TSPAN8: variants seen among roughly 807,000 people sequenced by gnomAD.
TSPAN8 encodes tetraspanin-8.
A neutral mutation model predicts 32.8 loss-of-function variants in TSPAN8; 21 were observed. The ratio of observed to expected loss-of-function variants is 0.64; its 90% CI spans 0.45 to 0.92. TSPAN8 has a LOEUF of 0.92. TSPAN8 is among the 40% of genes least tolerant of loss of function. TSPAN8 has a pLI of 0.00. For missense variants in TSPAN8, 269 were observed against 281.9 expected, an observed-to-expected ratio of 0.95 and a Z score of 0.33; for synonymous variants, 95 against 94.6, an observed-to-expected ratio of 1.00 and a Z score of -0.03.
chr12:71,135,510 G>C (rs528215358), intron 6 of TSPAN8, among the ~76,000 whole-genome samples: 1 of 63,688 alleles, frequency 1.6e-5, no homozygotes, highest in Non-Finnish European at 4.0e-5. Flanking sequence ...GGAAGAAGGA[G>C]GAGGAGAAGG....
chr12:71,152,160 T>C (rs1160072203), intron 2 of TSPAN8, among the ~76,000 whole-genome samples: 1 of 152,226 alleles, frequency 6.6e-6, no homozygotes, highest in African/African-American at 2.4e-5. Flanking sequence ...TGATCATTTT[T>C]ATTTTACAAA....
At chr12:71,141,285 G>A (rs1871895183) in intron 3 of TSPAN8, among the ~76,000 whole-genome samples, 1 of 152,154 alleles carries the variant, frequency 6.6e-6, no homozygotes, top group Non-Finnish European at 1.5e-5. Flanking sequence ...AAAGATTTTT[G>A]TTTGTTGGTT....
intron 4 of TSPAN8, 41 bp from the exon 5 acceptor site, chr12:71,138,271 T>C (rs1463036379): frequency 1.3e-6 from 2 of 1,577,054 alleles, no homozygotes; most frequent in Admixed American, 1.7e-5. Flanking sequence ...CCTCAGTGCA[T>C]TCAGTAACAT....
intron 2 of TSPAN8, among the ~76,000 whole-genome samples, chr12:71,153,026 T>C (rs1001250643): frequency 1.3e-5 from 2 of 152,192 alleles, no homozygotes; most frequent in African/African-American, 4.8e-5. Flanking sequence ...GGCTCCTCCC[T>C]ATGACTCATT....
At position 71,139,765 on chromosome 12, in the gene TSPAN8, C is replaced by G. The variant is rs746874333; in HGVS notation, c.207G>C (p.Leu69=). The G allele has an allele frequency of 1.9e-6, 3 of 1,613,832 alleles. No individual in the cohort carries two copies. The highest frequency in any genetic ancestry group is 2.5e-6 in the Non-Finnish European group (3 of 1,179,918). The change falls in exon 4 of 9, where the codon CTG becomes CTC. Residue 69 remains leucine (L), a synonymous_variant. Coordinates refer to ENST00000247829, the MANE Select transcript of TSPAN8 (RefSeq NM_004616.3). ...TAGCACCGCAGCATCCCAGGAAGCC[C>G]AGAATCATGATGATGGCACCTACAG... ...LIAVGAIIMI[L]GFLGCCGAIK...
chr12:71,131,020 G>GT (rs1017593824), intron 7 of TSPAN8, among the ~76,000 whole-genome samples: 18 of 152,280 alleles, frequency 1.2e-4, no homozygotes, highest in Middle Eastern at 3.4e-3. Context: ...CTATCTAATA[G>GT]TTTTTTTAGA....
chr12:71,140,503 A>G (rs145153256), intron 3 of TSPAN8, among the ~76,000 whole-genome samples: 67 of 152,320 alleles, frequency 4.4e-4, no homozygotes, highest in Middle Eastern at 3.4e-3. Context: ...CCAGTTCCTG[A>G]TATTTCATAT....
At chr12:71,128,644 T>TG (rs1199058770) in intron 8 of TSPAN8, among the ~76,000 whole-genome samples, 2 of 150,668 alleles carry the variant, frequency 1.3e-5, no homozygotes, top group Non-Finnish European at 3.0e-5. Flanking sequence ...CTTTCAGGTT[T>TG]TTTTTTTTTT....
chr12:71,151,571 T>C (rs892294227), intron 2 of TSPAN8, among the ~76,000 whole-genome samples: 1 of 152,202 alleles, frequency 6.6e-6, no homozygotes, highest in Non-Finnish European at 1.5e-5. Context: ...AATCAAAAAA[T>C]GACACAAATT....
chr12:71,157,622 G>A lies in TSPAN8; in HGVS notation c.57C>T (p.Phe19=), dbSNP rs997785791. The change falls in exon 2 of 9, where the codon TTC becomes TTT. Residue 19 remains phenylalanine (F), a synonymous_variant. Coordinates refer to ENST00000247829, the MANE Select transcript of TSPAN8 (RefSeq NM_004616.3). Reference sequence around the variant, plus strand: ...TAATTAAAAGGAAAACACTTACCCAGAACAAGAAGTTGAAGGTAAACATAG... The same window carrying A: ...TAATTAAAAGGAAAACACTTACCCAAAACAAGAAGTTGAAGGTAAACATAG... The part of the protein sequence containing the change: ...KYSMFTFNFL[F]WLCGILILAL... 3 of 1,609,836 alleles carry A rather than the reference G, an allele frequency of 1.9e-6. No individual in the cohort carries two copies. The highest frequency in any genetic ancestry group is 2.6e-6 in the Non-Finnish European group (3 of 1,176,446).
chr12:71,138,339 G>C, intron 4 of TSPAN8, 109 bp from the exon 5 acceptor site: 1 of 1,053,568 alleles, frequency 9.5e-7, no homozygotes, highest in Non-Finnish European at 1.4e-6. Context: ...CACAGTGAGA[G>C]TGTCAGTCAC....
At chr12:71,132,617 A>G in intron 7 of TSPAN8, 76 bp downstream of exon 7, 4 of 1,535,706 alleles carry the variant, frequency 2.6e-6, no homozygotes, top group Non-Finnish European at 3.5e-6. Flanking sequence ...ATGCATTTTA[A>G]TTTTTTGTAG....
chr12:71,154,037 G>A lies in TSPAN8; in HGVS notation c.60+3582C>T, dbSNP rs3886085. Among the ~76,000 whole-genome samples, 475 of 152,154 alleles carry A rather than the reference G, an allele frequency of 3.1e-3. 3 individuals are homozygous for A. Among genetic ancestry groups the A allele is most frequent in the African/African-American group, 0.01 (435 of 41,514 alleles). ...AATAATCAGAGCTCTGGCCAGGCGCGGTGCCTCATCCCTGTAATCCCAGCA... is the reference window on the plus strand; with the variant it reads ...AATAATCAGAGCTCTGGCCAGGCGCAGTGCCTCATCCCTGTAATCCCAGCA... On this transcript the variant is annotated intron_variant, in intron 2 of 8. Coordinates refer to ENST00000247829, the MANE Select transcript of TSPAN8 (RefSeq NM_004616.3).
intron 3 of TSPAN8, among the ~76,000 whole-genome samples, chr12:71,143,624 C>T (rs1871979067): frequency 6.6e-6 from 1 of 152,190 alleles, no homozygotes; most frequent in Non-Finnish European, 1.5e-5. Flanking sequence ...GTTACCTTCA[C>T]TGCCAGTTGC....
chr12:71,127,219 G>A (rs1349844106), intron 8 of TSPAN8, among the ~76,000 whole-genome samples: 1 of 151,980 alleles, frequency 6.6e-6, no homozygotes, highest in African/African-American at 2.4e-5. Flanking sequence ...AAAGAAGGGA[G>A]ATAGGCCTAA....
intron 2 of TSPAN8, among the ~76,000 whole-genome samples, chr12:71,154,311 A>AAAT (rs58976021): frequency 0.38 from 51,803 of 136,850 alleles, 9,928 homozygotes; most frequent in East Asian, 0.49. Flanking sequence ...CTCTGTCTCA[A>AAAT]AATAATAATA....
chr12:71,151,164 T>C (rs1485917744), intron 2 of TSPAN8, among the ~76,000 whole-genome samples: 3 of 151,634 alleles, frequency 2.0e-5, no homozygotes, highest in Non-Finnish European at 2.9e-5. Context: ...CCCGGGTTCA[T>C]GCCATTCTCC....
chr12:71,143,507 G>T (rs914624102), intron 3 of TSPAN8, among the ~76,000 whole-genome samples: 5 of 152,120 alleles, frequency 3.3e-5, no homozygotes, highest in African/African-American at 1.2e-4. Context: ...AATGGTGTGT[G>T]GGGGAGGAAA....
At position 71,149,238 on chromosome 12, in the gene TSPAN8, C is replaced by T. The variant is rs137911134; in HGVS notation, c.61-5025G>A. On this transcript the variant is annotated intron_variant, in intron 2 of 8. Coordinates refer to ENST00000247829, the MANE Select transcript of TSPAN8 (RefSeq NM_004616.3). ...AAAAAATTAGCCGAGTGTGGTGGCACGTGCCTGTAATCCCAGCTACTCAGG... is the reference window on the plus strand; with the variant it reads ...AAAAAATTAGCCGAGTGTGGTGGCATGTGCCTGTAATCCCAGCTACTCAGG... 1.4e-3 allele frequency among the ~76,000 whole-genome samples: 216 copies of T among 151,960 alleles called. 1 individual carries two copies. The East Asian group carries it at 0.02, about 14-fold the overall frequency.
Sources: allele counts gnomAD v4.1 joint callset (sites outside exome capture counted in the v4.1 genomes callset), GRCh38; gene constraint gnomAD v4.1.1; transcripts MANE v1.5; gene names NCBI Gene and HGNC (gene_info 2026-07-23, HGNC 2026-07-21).